The following PRKD3 variants were observed in gnomAD, a reference collection of about 807,000 sequenced individuals.
The protein encoded by PRKD3 is serine/threonine-protein kinase D3.
A neutral mutation model predicts 99.2 loss-of-function variants in PRKD3; 47 were observed. The observed-to-expected ratio is 0.47, with a 90% CI of 0.38 to 0.60. The LOEUF (loss-of-function observed/expected upper bound fraction) is 0.60. PRKD3 is among the 20% of genes least tolerant of loss of function. The pLI, the probability that PRKD3 is intolerant of heterozygous loss-of-function variation, is 0.00. For synonymous variants in PRKD3, 392 were observed against 355.4 expected, an observed-to-expected ratio of 1.10 and a Z score of -1.16; for missense variants, 1,019 against 1,088.4, an observed-to-expected ratio of 0.94 and a Z score of 0.90.
At chr2:37,282,246 G>A (rs1669887224) in intron 7 of PRKD3, 1 of 310,282 alleles carries the variant, frequency 3.2e-6, no homozygotes, top group Admixed American at 4.4e-5. Flanking sequence ...AAAGAATAGA[G>A]ACAAGAGCAG....
At chr2:37,296,072 TTCTC>T (rs140762690) in intron 2 of PRKD3, among the ~76,000 whole-genome samples, 6,731 of 152,064 alleles carry the variant, frequency 0.044, 155 homozygotes, top group African/African-American at 0.051. Context: ...ACAAGGAACT[TTCTC>T]TCCAGAAACT....
chr2:37,269,520 C>G, intron 13 of PRKD3, 95 bp downstream of exon 13: 1 of 1,122,838 alleles, frequency 8.9e-7, no homozygotes, highest in Non-Finnish European at 1.3e-6. Context: ...AGGCACTGGA[C>G]AAAACTATGA....
chr2:37,279,750 T>C lies in PRKD3; in HGVS notation c.1168A>G (p.Ile390Val), dbSNP rs778144188. The change falls in exon 8 of 19, where the codon ATC (isoleucine) becomes GTC (valine). Residue 390 changes from isoleucine to valine, a missense_variant. Around this residue, in one of 3 missense-constraint regions of PRKD3, gnomAD observed 710 missense variants for 692.7 expected, o/e 1.02. Coordinates refer to ENST00000234179, the MANE Select transcript of PRKD3 (RefSeq NM_005813.6). ...VERDEEAVKT[I>V]SPSTSNNIPL... ...TGTAATATGTATATATATTACCTGA[T>C]TGTTTTAACGGCTTCTTCATCTCTT... 5.6e-6 allele frequency: 9 copies of C among 1,612,112 alleles called. No individual in the cohort carries two copies. Among genetic ancestry groups the C allele is most frequent in the African/African-American group, 1.3e-5 (1 of 74,716 alleles).
chr2:37,297,858 T>C (rs556706922), intron 2 of PRKD3, among the ~76,000 whole-genome samples: 19 of 152,332 alleles, frequency 1.2e-4, no homozygotes, highest in Admixed American at 8.5e-4. Flanking sequence ...AGGTAGTGTT[T>C]GTCAGGTTTC....
Position 37,287,259 on chromosome 2 carries a change from A to G in PRKD3, c.718-890T>C, listed in dbSNP as rs534513912. ...AAAAAAAAAAAAAAAAAAAAAAAAA[A>G]AAAAAAAAGAAAAAGAAAAAGAAAA... On this transcript the variant is annotated intron_variant, in intron 5 of 18. Coordinates refer to ENST00000234179, the MANE Select transcript of PRKD3 (RefSeq NM_005813.6). Among the ~76,000 whole-genome samples the G allele has an allele frequency of 4.5e-3, 629 of 139,410 alleles. 10 individuals are homozygous for G. The highest frequency in any genetic ancestry group is 7.6e-3 in the Non-Finnish European group (503 of 66,378). The allele number at this position is 139,410 out of a possible 152,430, so 91.5% of individuals were successfully genotyped here.
chr2:37,313,562 A>C (rs1572703497), intron 2 of PRKD3, among the ~76,000 whole-genome samples: 1 of 152,196 alleles, frequency 6.6e-6, no homozygotes, highest in African/African-American at 2.4e-5. Context: ...TAAAAAGCAT[A>C]CCCAACTATT....
chr2:37,291,876 A>C (rs1024838851), intron 3 of PRKD3, among the ~76,000 whole-genome samples: 3 of 152,218 alleles, frequency 2.0e-5, no homozygotes, highest in Non-Finnish European at 4.4e-5. Context: ...CTACTTGCCA[A>C]ACAAAAAGTA....
At chr2:37,301,259 A>C (rs1158911998) in intron 2 of PRKD3, among the ~76,000 whole-genome samples, 1 of 152,204 alleles carries the variant, frequency 6.6e-6, no homozygotes, top group Non-Finnish European at 1.5e-5. Context: ...TATATGTAGA[A>C]TTTCTCAAAA....
chr2:37,268,886 A>C (rs938098423), intron 13 of PRKD3: 1 of 153,448 alleles, frequency 6.5e-6, no homozygotes, highest in African/African-American at 2.4e-5. Flanking sequence ...TGAACCACTT[A>C]AGGGTTCTAT....
chr2:37,276,244 GTTATA>G (rs908428131), intron 9 of PRKD3, among the ~76,000 whole-genome samples: 9 of 152,058 alleles, frequency 5.9e-5, no homozygotes, highest in Admixed American at 5.2e-4. Context: ...GCCTGATAGT[GTTATA>G]TTATTCTACA....
chr2:37,256,406 A>G (rs1423038237), intron 17 of PRKD3, among the ~76,000 whole-genome samples: 5 of 152,194 alleles, frequency 3.3e-5, no homozygotes, highest in African/African-American at 9.7e-5. Context: ...AGTTAAAAAG[A>G]TATTTTAGTG....
chr2:37,264,918 C>T (rs531141432), intron 14 of PRKD3, among the ~76,000 whole-genome samples: 23 of 152,212 alleles, frequency 1.5e-4, no homozygotes, highest in Non-Finnish European at 2.9e-4. Context: ...TTGGATACTC[C>T]GGGATAAACT....
chr2:37,271,221 C>G (rs1669240538), intron 12 of PRKD3, among the ~76,000 whole-genome samples: 1 of 152,062 alleles, frequency 6.6e-6, no homozygotes, highest in Non-Finnish European at 1.5e-5. Flanking sequence ...ACTTCCTTTT[C>G]TAGCCTGTTT....
At chr2:37,260,489 G>C in intron 14 of PRKD3, 105 bp from the exon 15 acceptor site, 1 of 1,042,216 alleles carries the variant, frequency 9.6e-7, no homozygotes, top group Non-Finnish European at 1.4e-6. Context: ...AGAAAGCCTA[G>C]AGAAGTAAAC....
intron 2 of PRKD3, among the ~76,000 whole-genome samples, chr2:37,306,763 C>T (rs1368621290): frequency 1.3e-5 from 2 of 152,174 alleles, no homozygotes; most frequent in Admixed American, 1.3e-4. Flanking sequence ...GAGCCGTGAT[C>T]ATGCCATTGC....
At chr2:37,299,670 G>C (rs187531786) in intron 2 of PRKD3, among the ~76,000 whole-genome samples, 198 of 151,904 alleles carry the variant, frequency 1.3e-3, no homozygotes, top group African/African-American at 4.4e-3. Flanking sequence ...TATATAAGGA[G>C]CTCAAATGAC....
In PRKD3 at chr2:37,254,215, G is replaced by C. The variant is rs770450325; in HGVS notation, c.2488C>G (p.Pro830Ala). 6.2e-7 allele frequency: 1 copy of C among 1,609,852 alleles called. No homozygotes were observed. The highest frequency in any genetic ancestry group is 1.1e-5 in the South Asian group (1 of 90,994). ...RYSVDKSLSH[P>A]WLQDYQTWLD... ...ACATTTTTTTTTACCTGTAGCCAGG[G>C]ATGACTAAGAGATTTGTCAACACTG... Residue 830 changes from proline (P) to alanine (A), a missense_variant, in exon 18 of 19, where the codon CCC becomes GCC. Coordinates refer to ENST00000234179, the MANE Select transcript of PRKD3 (RefSeq NM_005813.6).
chr2:37,255,060 C>G (rs1667824121), intron 17 of PRKD3, among the ~76,000 whole-genome samples: 1 of 152,188 alleles, frequency 6.6e-6, no homozygotes, highest in Non-Finnish European at 1.5e-5. Flanking sequence ...TTGTACCATC[C>G]TAGTTCTATT....
At chr2:37,276,184 T>C (rs1165397209) in intron 9 of PRKD3, among the ~76,000 whole-genome samples, 1 of 152,072 alleles carries the variant, frequency 6.6e-6, no homozygotes, top group Non-Finnish European at 1.5e-5. Context: ...ATAGGCTATA[T>C]TTCTAGAAGT....
Sources: allele counts gnomAD v4.1 joint callset (sites outside exome capture counted in the v4.1 genomes callset), GRCh38; gene constraint gnomAD v4.1.1; regional missense constraint gnomAD v4.1.1; transcripts MANE v1.5; gene names NCBI Gene and HGNC (gene_info 2026-07-23, HGNC 2026-07-21).